PEAK1: variants seen among roughly 807,000 people sequenced by gnomAD.
PEAK1 encodes inactive tyrosine-protein kinase PEAK1.
A neutral mutation model predicts 124.7 loss-of-function variants in PEAK1; 54 were observed. The observed-to-expected ratio is 0.43, with a 90% CI of 0.35 to 0.54. The LOEUF (loss-of-function observed/expected upper bound fraction) is 0.54. PEAK1 is among the 20% of genes least tolerant of loss of function. The pLI, the probability that PEAK1 is intolerant of heterozygous loss-of-function variation, is 0.01. For missense variants in PEAK1, 2,046 were observed against 2,134.5 expected, an observed-to-expected ratio of 0.96 and a Z score of 0.82; for synonymous variants, 719 against 760.0, an observed-to-expected ratio of 0.95 and a Z score of 0.89.
At chr15:77,413,544 C>T (rs1173779377) in intron 1 of PEAK1, among the ~76,000 whole-genome samples, 2 of 152,114 alleles carry the variant, frequency 1.3e-5, no homozygotes. Flanking sequence ...AACTGAAGAA[C>T]ATTCTACAAA....
At chr15:77,177,113 C>T (rs2056931345) in intron 7 of PEAK1, among the ~76,000 whole-genome samples, 1 of 152,158 alleles carries the variant, frequency 6.6e-6, no homozygotes, top group Non-Finnish European at 1.5e-5. Flanking sequence ...CCTGCCACCA[C>T]ACCCAGCTCA....
At chr15:77,198,366 G>C (rs755329355) in intron 6 of PEAK1, among the ~76,000 whole-genome samples, 1 of 152,140 alleles carries the variant, frequency 6.6e-6, no homozygotes, top group Non-Finnish European at 1.5e-5. Flanking sequence ...ATAACACATA[G>C]GACCCATATG....
rs534137537 is a variant in PEAK1 at position 77,179,034 on chromosome 15, G to A, written c.2893C>T (p.Pro965Ser). ...LDGTVIHMLP[P>S]PPVQRHHWFT... Reference sequence around the variant, plus strand: ...CAGTGATGGCGCTGAACTGGAGGAGGAGGCAGCATGTGAATGACTGTGCCA... The same window carrying A: ...CAGTGATGGCGCTGAACTGGAGGAGAAGGCAGCATGTGAATGACTGTGCCA... Residue 965 changes from proline to serine, a missense_variant, in exon 7 of 10, where the codon CCT becomes TCT. By Grantham distance (74) the Pro-to-Ser change is moderately conservative (BLOSUM62 -1). Transcript: ENST00000682557. 6.2e-7 allele frequency: 1 copy of A among 1,614,132 alleles called. No homozygotes were observed. Among genetic ancestry groups the A allele is most frequent in the East Asian group, 2.2e-5 (1 of 44,870 alleles).
At chr15:77,336,763 T>C (rs926849707) in intron 2 of PEAK1, among the ~76,000 whole-genome samples, 1 of 151,944 alleles carries the variant, frequency 6.6e-6, no homozygotes, top group African/African-American at 2.4e-5. Flanking sequence ...GAAAAATGTA[T>C]AAATAAGACA....
At chr15:77,202,686 T>A (rs12900433) in intron 6 of PEAK1, among the ~76,000 whole-genome samples, 1 of 151,410 alleles carries the variant, frequency 6.6e-6, no homozygotes, top group East Asian at 2.0e-4. Flanking sequence ...AGGAGAATGA[T>A]GCGAACCCGG....
At chr15:77,349,022 C>A in intron 2 of PEAK1, 1 of 929,540 alleles carries the variant, frequency 1.1e-6, no homozygotes. Context: ...CAAGCAATCA[C>A]AATTTTATTC....
intron 5 of PEAK1, among the ~76,000 whole-genome samples, chr15:77,253,245 TG>T (rs59178188): frequency 4.7e-4 from 61 of 129,800 alleles, no homozygotes; most frequent in African/African-American, 5.1e-4. Flanking sequence ...TGGTATGCGT[TG>T]GGGGGGGGGT....
intron 9 of PEAK1, 100 bp from the exon 10 acceptor site, chr15:77,115,419 A>T: frequency 9.2e-7 from 1 of 1,091,420 alleles, no homozygotes; most frequent in Non-Finnish European, 1.3e-6. Context: ...GGGACAAACG[A>T]TCATATAGTA....
In PEAK1 at chr15:77,133,028, G is replaced by T; in HGVS notation, c.4054C>A (p.Pro1352Thr). 6.2e-7 allele frequency: 1 copy of T among 1,610,698 alleles called. No individual in the cohort carries two copies. Among genetic ancestry groups the T allele is most frequent in the Non-Finnish European group, 8.5e-7 (1 of 1,177,100 alleles). The stretch of plus-strand genomic sequence containing the variant: ...ACCTTGACTGCATAGTTATTAAGTG[G>T]ATCTTTTGCATATGAAGCAGTATAG... ...VYYTASYAKD[P>T]LNNYAVKICK... The change falls in exon 9 of 10, where the codon CCA becomes ACA. Residue 1352 changes from proline (P) to threonine (T), a missense_variant. By Grantham distance (38) the Pro-to-Thr change is conservative. Coordinates refer to ENST00000682557, the MANE Select transcript of PEAK1 (RefSeq NM_001385026.1). This position sits in a 1 kb window ranked among gnomAD's most constrained non-coding sequence, Gnocchi z 4.2.
At chr15:77,183,419 A>G (rs2057382613) in intron 6 of PEAK1, among the ~76,000 whole-genome samples, 3 of 152,354 alleles carry the variant, frequency 2.0e-5, no homozygotes, top group Non-Finnish European at 2.9e-5. Flanking sequence ...AAGATAATAC[A>G]TAAAATTATA....
At chr15:77,130,072 G>A (rs1238553833) in intron 9 of PEAK1, among the ~76,000 whole-genome samples, 2 of 152,142 alleles carry the variant, frequency 1.3e-5, no homozygotes, top group Non-Finnish European at 2.9e-5. Flanking sequence ...CTTGCCATCT[G>A]TTCTTTGGAG....
intron 2 of PEAK1, chr15:77,351,730 C>T (rs2067222350): frequency 2.2e-5 from 22 of 985,216 alleles, no homozygotes; most frequent in Non-Finnish European, 2.5e-5. Context: ...CCACCGTTAA[C>T]GAGAATAGGG....
intron 2 of PEAK1, among the ~76,000 whole-genome samples, chr15:77,304,426 C>T (rs965871296): frequency 6.6e-6 from 1 of 150,840 alleles, no homozygotes; most frequent in African/African-American, 2.4e-5. Flanking sequence ...AACTGTAGCT[C>T]CTAGCTCCTG....
chr15:77,117,970 G>C (rs2051547714), intron 9 of PEAK1, among the ~76,000 whole-genome samples: 1 of 152,204 alleles, frequency 6.6e-6, no homozygotes, highest in Admixed American at 6.5e-5. Context: ...AAGAATTTAT[G>C]TTTAGCTTCA....
chr15:77,305,976 C>G (rs1431527204), intron 2 of PEAK1, among the ~76,000 whole-genome samples: 1 of 152,088 alleles, frequency 6.6e-6, no homozygotes, highest in Non-Finnish European at 1.5e-5. Context: ...TACTGCAGAA[C>G]CAATTGTGGC....
intron 9 of PEAK1, among the ~76,000 whole-genome samples, chr15:77,117,150 T>C (rs1426230784): frequency 6.6e-6 from 1 of 152,216 alleles, no homozygotes; most frequent in Non-Finnish European, 1.5e-5. Context: ...TCTTCTGGAA[T>C]GAAAGCTCAA....
downstream of PEAK1, chr15:77,104,554 C>G (rs1294372841): frequency 6.6e-6 from 1 of 152,416 alleles, no homozygotes; most frequent in East Asian, 1.9e-4. Flanking sequence ...GCATGTCTCC[C>G]AGGCCAGCCT....
chr15:77,325,980 AC>A (rs1164156959), intron 2 of PEAK1, among the ~76,000 whole-genome samples: 4 of 152,286 alleles, frequency 2.6e-5, no homozygotes, highest in African/African-American at 4.8e-5. Context: ...TAAAAAAAAA[AC>A]ATAACCATAG....
chr15:77,410,913 C>T (rs1595880206), intron 1 of PEAK1, among the ~76,000 whole-genome samples: 1 of 152,146 alleles, frequency 6.6e-6, no homozygotes, highest in Non-Finnish European at 1.5e-5. Flanking sequence ...TAAATAATTA[C>T]TAGATAGGTG....
Sources: allele counts gnomAD v4.1 joint callset (sites outside exome capture counted in the v4.1 genomes callset), GRCh38; gene constraint gnomAD v4.1.1; non-coding constraint Gnocchi (gnomAD v3.1); transcripts MANE v1.5; gene names NCBI Gene and HGNC (gene_info 2026-07-23, HGNC 2026-07-21).